The following CSPG4 variants were observed in gnomAD, a reference collection of about 807,000 sequenced individuals.
The protein encoded by CSPG4 is chondroitin sulfate proteoglycan 4.
In CSPG4, 74 loss-of-function variants were observed where a neutral mutation model predicts 139.3. The observed-to-expected ratio is 0.53, with a 90% CI of 0.44 to 0.64. The LOEUF (loss-of-function observed/expected upper bound fraction) is 0.64. CSPG4 is among the 30% of genes least tolerant of loss of function. The pLI is 0.00. For synonymous variants in CSPG4, 1,234 were observed against 1,394.2 expected (o/e 0.89, Z 2.56); for missense variants, 2,565 against 3,148.3 (o/e 0.81, Z 4.43).
At position 75,690,615 on chromosome 15, in the gene CSPG4, G is replaced by A. The variant is rs1399577114; in HGVS notation, c.450C>T (p.Gly150=). 6 of 1,610,082 alleles carry A rather than the reference G, an allele frequency of 3.7e-6. No homozygotes were observed. The South Asian group carries it at 4.4e-5, about 12-fold the overall frequency. The part of the protein sequence containing the change: ...LEVPYGLFVG[G]TGTLGLPYLR... ...GGTAGGGCAGGCCAAGGGTCCCAGT[G>A]CCCCCAACAAAGAGCCCATAGGGGA... is the stretch of plus-strand genomic sequence containing the variant. Residue 150 remains glycine, a synonymous_variant, in exon 3 of 10, where the codon GGC becomes GGT. Transcript: ENST00000308508.
intron 1 of CSPG4, among the ~76,000 whole-genome samples, chr15:75,700,366 G>A (rs570849315): frequency 1.3e-5 from 2 of 152,124 alleles, no homozygotes; most frequent in Non-Finnish European, 2.9e-5. Flanking sequence ...TGTCAGGGCC[G>A]GGTGGAGGGG....
At position 75,674,889 on chromosome 15, in the gene CSPG4, C is replaced by G; in HGVS notation, c.*661G>C. ...CCATCAGTCCTGGCTAGCTCAGCAC[C>G]ATGTTAAATAGCTTCCTTGCAATCT... is the stretch of plus-strand genomic sequence containing the variant. On this transcript the variant is annotated 3_prime_UTR_variant, in exon 10 of 10. Transcript: ENST00000308508. The G allele has an allele frequency of 2.5e-6, 1 of 398,576 alleles. No individual in the cohort carries two copies. The highest frequency in any genetic ancestry group is 1.3e-4 in the South Asian group (1 of 7,820). The allele number at this position is 398,576 out of a possible 1,614,324, so 24.7% of individuals were successfully genotyped here.
chr15:75,707,236 C>G (rs539746559), intron 1 of CSPG4, among the ~76,000 whole-genome samples: 1 of 152,040 alleles, frequency 6.6e-6, no homozygotes, highest in African/African-American at 2.4e-5. Context: ...GGATTACAGG[C>G]GTGAGCCACC....
rs1233364790 is a variant in CSPG4, at chr15:75,687,627, G to T, written c.3438C>A (p.Asp1146Glu). ...TGGTGTCCAGGTGGAGCACGGCCGT[G>T]TCGATGGTGCCCTGGCCTCCTTGAG... is the stretch of plus-strand genomic sequence containing the variant. ...VVPQGGQGTIDTAVLHLDTNL... is the reference protein window; with the variant it reads ...VVPQGGQGTIETAVLHLDTNL... Residue 1146 changes from aspartate (D) to glutamate (E), a missense_variant, in exon 3 of 10, where the codon GAC becomes GAA. This residue lies in a region of CSPG4 where 2,316 missense variants were observed against 2,818.2 expected (regional missense o/e 0.82). Coordinates refer to ENST00000308508, the MANE Select transcript of CSPG4 (RefSeq NM_001897.5). The surrounding 1 kb of genome is among the most constrained non-coding windows in gnomAD (Gnocchi z 5.4). The T allele has an allele frequency of 6.2e-7, 1 of 1,612,392 alleles. No homozygotes were observed. The highest frequency in any genetic ancestry group is 1.1e-5 in the South Asian group (1 of 90,998).
chr15:75,690,689 C>T lies in CSPG4; in HGVS notation c.376G>A (p.Asp126Asn), dbSNP rs1284915934. Residue 126 changes from aspartate (D) to asparagine (N), a missense_variant, in exon 3 of 10, where the codon GAT (aspartate) becomes AAT (asparagine). Coordinates refer to ENST00000308508, the MANE Select transcript of CSPG4 (RefSeq NM_001897.5). ...VVEGWATLSVDGFLNASSAVP... is the reference protein window; with the variant it reads ...VVEGWATLSVNGFLNASSAVP... ...GCTGAGGAGGCGTTCAGAAACCCAT[C>T]GACTGACAACGTGGCCCAGCCCTCT... 6.2e-6 allele frequency: 10 copies of T among 1,612,830 alleles called. No homozygotes were observed. Among genetic ancestry groups the T allele is most frequent in the East Asian group, 4.5e-5 (2 of 44,900 alleles).
Position 75,702,231 on chromosome 15 carries a change from G to A in CSPG4, c.89-8998C>T, listed in dbSNP as rs542544249. 5.9e-5 allele frequency among the ~76,000 whole-genome samples: 9 copies of A among 152,300 alleles called. No individual in the cohort carries two copies. The South Asian group carries it at 1.2e-3, about 21-fold the overall frequency. On this transcript the variant is annotated intron_variant, in intron 1 of 9. Transcript: ENST00000308508. ...TTGCTCTCTTCCAAGGACACTCCAC[G>A]CCTCCGTCTCACTAGACTCTGCACT...
At chr15:75,704,406 C>T (rs1894343282) in intron 1 of CSPG4, among the ~76,000 whole-genome samples, 1 of 152,204 alleles carries the variant, frequency 6.6e-6, no homozygotes, top group Admixed American at 6.5e-5. Context: ...GTCTGAGTAC[C>T]CACCCCTGGA....
chr15:75,687,922 T>G lies in CSPG4; in HGVS notation c.3143A>C (p.Asp1048Ala), dbSNP rs1894087656. Residue 1048 changes from aspartate to alanine, a missense_variant, in exon 3 of 10, where the codon GAC becomes GCC. Asp to Ala is a moderately radical substitution (Grantham distance 126, BLOSUM62 -2). Coordinates refer to ENST00000308508, the MANE Select transcript of CSPG4 (RefSeq NM_001897.5). The surrounding 1 kb of genome is among the most constrained non-coding windows in gnomAD (Gnocchi z 5.4). Reference sequence around the variant, plus strand: ...CAGCTGGGCGTCAGCAAAGCCCGAGTCAGCATCGCTGAAGGCCACGTCGTC... The same window carrying G: ...CAGCTGGGCGTCAGCAAAGCCCGAGGCAGCATCGCTGAAGGCCACGTCGTC... The part of the protein sequence containing the change: ...TTDDVAFSDA[D>A]SGFADAQLVL... 2 of 1,612,790 alleles carry G rather than the reference T, an allele frequency of 1.2e-6. No homozygotes were observed. Among genetic ancestry groups the G allele is most frequent in the Non-Finnish European group, 1.7e-6 (2 of 1,180,000 alleles).
chr15:75,712,854 G>C, upstream of CSPG4: 1 of 1,008,118 alleles, frequency 9.9e-7, no homozygotes, highest in Non-Finnish European at 1.4e-6. Flanking sequence ...GGCGCGGGCC[G>C]GCTCCGGGTG....
intron 1 of CSPG4, among the ~76,000 whole-genome samples, chr15:75,703,521 G>A (rs1894331291): frequency 6.6e-6 from 1 of 152,098 alleles, no homozygotes; most frequent in Admixed American, 6.5e-5. Context: ...AGGGGCTGGA[G>A]ACCCTCCGTT....
At chr15:75,704,684 T>C (rs1444082988) in intron 1 of CSPG4, among the ~76,000 whole-genome samples, 1 of 152,122 alleles carries the variant, frequency 6.6e-6, no homozygotes, top group Non-Finnish European at 1.5e-5. Flanking sequence ...CCCCGAGCTG[T>C]GCACCCCACT....
intron 1 of CSPG4, among the ~76,000 whole-genome samples, chr15:75,699,486 G>C (rs755777573): frequency 9.2e-5 from 14 of 152,228 alleles, no homozygotes; most frequent in Non-Finnish European, 1.8e-4. Context: ...GGCATGTGCT[G>C]GGGAACATTT....
intron 1 of CSPG4, among the ~76,000 whole-genome samples, chr15:75,705,403 C>T (rs1463973148): frequency 6.6e-6 from 1 of 152,218 alleles, no homozygotes; most frequent in Non-Finnish European, 1.5e-5. Context: ...CCCCATGTTG[C>T]CGGGCCACTC....
chr15:75,693,222 C>T lies in CSPG4; in HGVS notation c.100G>A (p.Gly34Ser), dbSNP rs972672664. The T allele has an allele frequency of 5.6e-6, 9 of 1,604,230 alleles. No individual in the cohort carries two copies. Among genetic ancestry groups the T allele is most frequent in the East Asian group, 2.2e-5 (1 of 44,704 alleles). Residue 34 changes from glycine (G) to serine (S), a missense_variant, in exon 2 of 10, where the codon GGT (glycine) becomes AGT (serine). Transcript: ENST00000308508. The part of the protein sequence containing the change: ...ARLASAASFF[G>S]ENHLEVPVAT... Reference sequence around the variant, plus strand: ...ACAGGCACCTCCAGGTGGTTCTCACCGAAGAAGGAAGCTGTGTGAGAGAGG... The same window carrying T: ...ACAGGCACCTCCAGGTGGTTCTCACTGAAGAAGGAAGCTGTGTGAGAGAGG...
At chr15:75,681,723 G>A (rs1410900039) in intron 8 of CSPG4, among the ~76,000 whole-genome samples, 1 of 152,204 alleles carries the variant, frequency 6.6e-6, no homozygotes, top group Non-Finnish European at 1.5e-5. Context: ...ACCCATGGCT[G>A]AGAGCTCTAA....
At chr15:75,678,909 C>A in intron 8 of CSPG4, 1 of 401,324 alleles carries the variant, frequency 2.5e-6, no homozygotes, top group Non-Finnish European at 5.0e-6. Context: ...GCCAAGCAAC[C>A]CTTCCTCCAA....
chr15:75,689,993 G>C lies in CSPG4; in HGVS notation c.1072C>G (p.Leu358Val). ...NASLLGCMED[L>V]SVNGQRRGLR... ...CCCCGCCTCTGGCCATTGACACTGA[G>C]GTCTTCCATGCAGCCCAGCAGGGAG... The change falls in exon 3 of 10, where the codon CTC becomes GTC. Residue 358 changes from leucine to valine, a missense_variant. Leu to Val is a conservative substitution (Grantham distance 32). Coordinates refer to ENST00000308508, the MANE Select transcript of CSPG4 (RefSeq NM_001897.5). 6.2e-7 allele frequency: 1 copy of C among 1,612,018 alleles called. No individual in the cohort carries two copies. The highest frequency in any genetic ancestry group is 1.1e-5 in the South Asian group (1 of 90,810).
chr15:75,681,591 A>G (rs548521002), intron 8 of CSPG4, among the ~76,000 whole-genome samples: 1 of 152,336 alleles, frequency 6.6e-6, no homozygotes, highest in East Asian at 1.9e-4. Context: ...GGCCCATGGA[A>G]GAGTCTGCCC....
At chr15:75,677,444 C>T in intron 9 of CSPG4, 60 bp from the exon 10 acceptor site, 1 of 1,395,308 alleles carries the variant, frequency 7.2e-7, no homozygotes, top group Non-Finnish European at 9.3e-7. Context: ...GATGGACCCT[C>T]AGCTGGGGGT....
Sources: gnomAD v4.1 joint callset for allele counts (sites outside exome capture counted in the v4.1 genomes callset) on GRCh38, gnomAD v4.1.1 for gene constraint, gnomAD v4.1.1 regional missense constraint, Gnocchi (gnomAD v3.1) non-coding constraint, MANE v1.5 for transcripts, NCBI Gene and HGNC (gene_info 2026-07-23, HGNC 2026-07-21) for gene names.